PSMC4: variants seen among roughly 807,000 people sequenced by gnomAD.
PSMC4 encodes 26S proteasome regulatory subunit 6B.
PSMC4 carries 13 observed loss-of-function variants against 48.4 expected under a neutral mutation model. That is an observed-to-expected ratio of 0.27 (90% CI 0.18 to 0.43). The LOEUF (loss-of-function observed/expected upper bound fraction) is 0.43, where lower values mean the gene tolerates loss of function less well. Among genes scored for constraint, PSMC4 ranks in the 20% least tolerant of loss-of-function variants. PSMC4 has a pLI of 1.00. For synonymous variants in PSMC4, 202 were observed against 212.3 expected, an observed-to-expected ratio of 0.95 and a Z score of 0.42; for missense variants, 262 against 555.9, an observed-to-expected ratio of 0.47 and a Z score of 5.32.
At position 39,980,958 on chromosome 19, in the gene PSMC4, A is replaced by G. The variant is rs1030776441; in HGVS notation, c.1144-234A>G. ...CAGTGGGGCAATCATGACTCACTGC[A>G]GTGATCCTCCCACCTCAGCCTCCCA... On this transcript the variant is annotated intron_variant, in intron 10 of 10. Coordinates refer to ENST00000157812, the MANE Select transcript of PSMC4 (RefSeq NM_006503.4). The surrounding 1 kb of genome is among the most constrained non-coding windows in gnomAD (Gnocchi z 4.8). Among the ~76,000 whole-genome samples, 2 of 152,096 alleles carry G rather than the reference A, an allele frequency of 1.3e-5. No homozygotes were observed.
At chr19:39,976,964 C>G (rs1027757523) in intron 6 of PSMC4, among the ~76,000 whole-genome samples, 3 of 151,580 alleles carry the variant, frequency 2.0e-5, no homozygotes, top group Non-Finnish European at 4.4e-5. Context: ...ATTCTCCTAC[C>G]TCAGCCTCCC....
chr19:39,973,005 G>C (rs144710967), intron 3 of PSMC4, among the ~76,000 whole-genome samples: 2 of 152,038 alleles, frequency 1.3e-5, no homozygotes, highest in African/African-American at 4.8e-5. Flanking sequence ...CTCACCCTCC[G>C]AAAGTGTTGG....
Position 39,974,921 on chromosome 19 carries a change from C to CA in PSMC4, c.673+94dup. 1 of 1,257,482 alleles carries CA rather than the reference C, an allele frequency of 8.0e-7. No homozygotes were observed. The highest frequency in any genetic ancestry group is 1.1e-6 in the Non-Finnish European group (1 of 893,132). 77.9% of individuals were successfully genotyped at this position (1,257,482 alleles called of 1,614,324 possible). A position where few individuals can be genotyped will look rare whatever the true frequency, so the allele number is the denominator to read the frequency against. ...ACTGGCACTGCACAGTAATTAGAAACAGACTCTGGGGTCATAGCCCACGTG... is the reference window on the plus strand; with the variant it reads ...ACTGGCACTGCACAGTAATTAGAAACAAGACTCTGGGGTCATAGCCCACGTG... On this transcript the variant is annotated intron_variant, in intron 6 of 10. Coordinates refer to ENST00000157812, the MANE Select transcript of PSMC4 (RefSeq NM_006503.4). The surrounding 1 kb of genome is among the most constrained non-coding windows in gnomAD (Gnocchi z 5.5).
rs1416708477 is a variant in PSMC4 at position 39,980,659 on chromosome 19, C to G, written c.1088-3C>G. 6 of 1,613,898 alleles carry G rather than the reference C, an allele frequency of 3.7e-6. No individual in the cohort carries two copies. The highest frequency in any genetic ancestry group is 5.1e-6 in the Non-Finnish European group (6 of 1,179,934). On this transcript the variant is annotated splice_polypyrimidine_tract_variant and splice_region_variant and intron_variant, in intron 9 of 10. Transcript: ENST00000157812. This position sits in a 1 kb window ranked among gnomAD's most constrained non-coding sequence, Gnocchi z 4.8. Reference sequence around the variant, plus strand: ...AGGGAATAGTTTCCTTAACTCGCTGCAGATGTGGCCCGGCCAGATAAGATT... The same window carrying G: ...AGGGAATAGTTTCCTTAACTCGCTGGAGATGTGGCCCGGCCAGATAAGATT...
At position 39,980,679 on chromosome 19, in the gene PSMC4, A is replaced by G; in HGVS notation, c.1105A>G (p.Lys369Glu). Reference sequence around the variant, plus strand: ...CGCTGCAGATGTGGCCCGGCCAGATAAGATTTCAGGAGCTGATATTAACTC... The same window carrying G: ...CGCTGCAGATGTGGCCCGGCCAGATGAGATTTCAGGAGCTGATATTAACTC... Reference protein sequence around the residue: ...DLEDYVARPDKISGADINSIC... With the variant: ...DLEDYVARPDEISGADINSIC... The change falls in exon 10 of 11, where the codon AAG (lysine) becomes GAG (glutamate). Residue 369 changes from lysine (K) to glutamate (E), a missense_variant. Lys to Glu is a moderately conservative substitution (Grantham distance 56, BLOSUM62 1). Transcript: ENST00000157812. The surrounding 1 kb of genome is among the most constrained non-coding windows in gnomAD (Gnocchi z 4.8). 1 of 1,614,092 alleles carries G rather than the reference A, an allele frequency of 6.2e-7. No homozygotes were observed. Among genetic ancestry groups the G allele is most frequent in the Non-Finnish European group, 8.5e-7 (1 of 1,179,994 alleles).
chr19:39,976,742 C>T (rs796355185), intron 6 of PSMC4, among the ~76,000 whole-genome samples: 15 of 152,084 alleles, frequency 9.9e-5, no homozygotes, highest in African/African-American at 3.4e-4. Flanking sequence ...ATCTCCTGAC[C>T]TCATGATCCG....
rs765532645 is a variant in PSMC4 at position 39,974,478 on chromosome 19, G to T, written c.469+38G>T. The T allele has an allele frequency of 1.2e-6, 2 of 1,613,350 alleles. No individual in the cohort carries two copies. Among genetic ancestry groups the T allele is most frequent in the East Asian group, 2.2e-5 (1 of 44,844 alleles). Reference sequence around the variant, plus strand: ...CCTGCAGCTGGGAGGGCCCCATGGGGACCTTGAGGACCTGGCCAGGAGCCC... The same window carrying T: ...CCTGCAGCTGGGAGGGCCCCATGGGTACCTTGAGGACCTGGCCAGGAGCCC... On this transcript the variant is annotated intron_variant, in intron 4 of 10. Coordinates refer to ENST00000157812, the MANE Select transcript of PSMC4 (RefSeq NM_006503.4). This position sits in a 1 kb window ranked among gnomAD's most constrained non-coding sequence, Gnocchi z 5.5.
chr19:39,972,365 G>C lies in PSMC4; in HGVS notation c.136-4G>C. On this transcript the variant is annotated splice_polypyrimidine_tract_variant and splice_region_variant and intron_variant, in intron 2 of 10. Transcript: ENST00000157812. ...ATCCCCTTCTGTCCCCTCTCTGCTC[G>C]CAGAAGCTGCAGCAAGAGCTGGAGT... is the stretch of plus-strand genomic sequence containing the variant. 1.2e-6 allele frequency: 2 copies of C among 1,613,338 alleles called. No homozygotes were observed. Among genetic ancestry groups the C allele is most frequent in the South Asian group, 1.1e-5 (1 of 91,068 alleles).
chr19:39,973,512 G>A (rs1163741079), intron 3 of PSMC4, among the ~76,000 whole-genome samples: 1 of 150,304 alleles, frequency 6.7e-6, no homozygotes, highest in Non-Finnish European at 1.5e-5. Context: ...GAACCCAGGA[G>A]GTGGAGGTTG....
chr19:39,973,581 T>TAAAAA (rs11320252), intron 3 of PSMC4, among the ~76,000 whole-genome samples: 3 of 96,994 alleles, frequency 3.1e-5, no homozygotes, highest in Non-Finnish European at 4.2e-5. Flanking sequence ...ACACTCTGTC[T>TAAAAA]AAAAAAAAAA....
At chr19:39,972,282 T>C (rs1296079884) in intron 2 of PSMC4, 38 bp downstream of exon 2, 1 of 1,610,356 alleles carries the variant, frequency 6.2e-7, no homozygotes, top group African/African-American at 1.3e-5. Flanking sequence ...GCACAGGACC[T>C]GACATCTCAT....
In PSMC4 at chr19:39,974,910, G is replaced by C. The variant is rs1971173638; in HGVS notation, c.673+82G>C. The C allele has an allele frequency of 7.5e-7, 1 of 1,340,644 alleles. No individual in the cohort carries two copies. Among genetic ancestry groups the C allele is most frequent in the Non-Finnish European group, 1.0e-6 (1 of 959,814 alleles). The allele number at this position is 1,340,644 out of a possible 1,614,324, so 83.0% of individuals were successfully genotyped here. On this transcript the variant is annotated intron_variant, in intron 6 of 10. Transcript: ENST00000157812. This position sits in a 1 kb window ranked among gnomAD's most constrained non-coding sequence, Gnocchi z 5.5. Reference sequence around the variant, plus strand: ...CCTGCTCGCTCACTGGCACTGCACAGTAATTAGAAACAGACTCTGGGGTCA... The same window carrying C: ...CCTGCTCGCTCACTGGCACTGCACACTAATTAGAAACAGACTCTGGGGTCA...
intron 6 of PSMC4, among the ~76,000 whole-genome samples, chr19:39,976,573 A>G (rs1309890291): frequency 7.0e-6 from 1 of 143,492 alleles, no homozygotes; most frequent in African/African-American, 2.7e-5. Flanking sequence ...CAGTGGTGCG[A>G]TCTCGGCTTA....
chr19:39,975,789 T>C (rs16973950), intron 6 of PSMC4, among the ~76,000 whole-genome samples: 30,188 of 152,176 alleles, frequency 0.2, 6,434 homozygotes, highest in African/African-American at 0.53. Flanking sequence ...ATTTGCTTGG[T>C]ACTTTATTGA....
In PSMC4 at chr19:39,971,244, G is replaced by T. The variant is rs764642713; in HGVS notation, c.36+6G>T. 6.2e-7 allele frequency: 1 copy of T among 1,614,210 alleles called. No homozygotes were observed. ...TCTTGGTGGAGAAGGCTCAGGTACA[G>T]TGGGGACTTGGGCTTTTTAGTCCGG... is the stretch of plus-strand genomic sequence containing the variant. On this transcript the variant is annotated splice_donor_region_variant and intron_variant, in intron 1 of 10. Coordinates refer to ENST00000157812, the MANE Select transcript of PSMC4 (RefSeq NM_006503.4).
rs142604125 is a variant in PSMC4, at chr19:39,972,500, C to T, written c.267C>T (p.Ile89=). 2.1e-5 allele frequency: 34 copies of T among 1,614,110 alleles called. No homozygotes were observed. The highest frequency in any genetic ancestry group is 1.2e-4 in the African/African-American group (9 of 75,020). Residue 89 remains isoleucine (I), a synonymous_variant, in exon 3 of 11, where the codon ATC becomes ATT. Transcript: ENST00000157812. Reference sequence around the variant, plus strand: ...GAATCCAAAGCATCCCGCTGGTCATCGGACAATTTCTGGAGGCTGTGGATC... The same window carrying T: ...GAATCCAAAGCATCCCGCTGGTCATTGGACAATTTCTGGAGGCTGTGGATC... ...VKRIQSIPLV[I]GQFLEAVDQN...
At position 39,981,482 on chromosome 19, in the gene PSMC4, G is replaced by C; in HGVS notation, c.*177G>C. On this transcript the variant is annotated 3_prime_UTR_variant, in exon 11 of 11. Transcript: ENST00000157812. ...GAAGTTTAACTCCTTTGGAGAATGT[G>C]GGCCTTGAATAGGATCCTCTGGGTC... 1.8e-6 allele frequency: 1 copy of C among 557,982 alleles called. No individual in the cohort carries two copies. Among genetic ancestry groups the C allele is most frequent in the South Asian group, 2.1e-5 (1 of 47,792 alleles). 34.6% of individuals were successfully genotyped at this position (557,982 alleles called of 1,614,324 possible). A position where few individuals can be genotyped will look rare whatever the true frequency, so the allele number is the denominator to read the frequency against.
At chr19:39,981,135 G>A (rs1009319950) in intron 10 of PSMC4, 57 bp from the exon 11 acceptor site, 43 of 1,342,344 alleles carry the variant, frequency 3.2e-5, no homozygotes, top group Admixed American at 2.9e-4. Context: ...GGGATTACAG[G>A]TGTGAGCCAC....
chr19:39,971,437 C>T (rs1971099330), intron 1 of PSMC4, among the ~76,000 whole-genome samples, 199 bp downstream of exon 1: 2 of 151,976 alleles, frequency 1.3e-5, no homozygotes, highest in Admixed American at 6.6e-5. Context: ...GCTCAGAAAG[C>T]GGGGCTGGGG....
Sources: gnomAD v4.1 joint callset for allele counts (sites outside exome capture counted in the v4.1 genomes callset) on GRCh38, gnomAD v4.1.1 for gene constraint, Gnocchi (gnomAD v3.1) non-coding constraint, MANE v1.5 for transcripts, NCBI Gene and HGNC (gene_info 2026-07-23, HGNC 2026-07-21) for gene names.